Variants in COX10 observed in about 807,000 individuals in gnomAD.
COX10 encodes the protein cytochrome c oxidase assembly factor heme A:farnesyltransferase COX10.
A neutral mutation model predicts 37.3 loss-of-function variants in COX10; 27 were observed. The ratio of observed to expected loss-of-function variants is 0.72; its 90% CI spans 0.53 to 1.00. COX10 has a LOEUF of 1.00. Among genes scored for constraint, COX10 ranks in the 50% least tolerant of loss-of-function variants. The pLI, the probability that COX10 is intolerant of heterozygous loss-of-function variation, is 0.00. For missense variants in COX10, 475 were observed against 563.2 expected, an observed-to-expected ratio of 0.84 and a Z score of 1.59; for synonymous variants, 222 against 229.1, an observed-to-expected ratio of 0.97 and a Z score of 0.28.
chr17:14,121,919 AG>A (rs1916239004), intron 4 of COX10, among the ~76,000 whole-genome samples: 1 of 152,098 alleles, frequency 6.6e-6, no homozygotes. Context: ...GAAGCTGGGA[AG>A]CATACACATG....
intron 3 of COX10, among the ~76,000 whole-genome samples, chr17:14,081,193 G>A (rs1227594447): frequency 2.0e-5 from 3 of 152,162 alleles, no homozygotes; most frequent in Non-Finnish European, 4.4e-5. Context: ...ACTGTCTGGC[G>A]TTTACAGAAA....
intron 4 of COX10, among the ~76,000 whole-genome samples, chr17:14,140,913 A>T (rs1455100486): frequency 6.6e-6 from 1 of 152,190 alleles, no homozygotes; most frequent in Non-Finnish European, 1.5e-5. Context: ...ATGATAAATG[A>T]TTAAGGAAAT....
At chr17:14,202,530 C>T (rs1203706158) in intron 6 of COX10, among the ~76,000 whole-genome samples, 8 of 152,032 alleles carry the variant, frequency 5.3e-5, no homozygotes, top group Non-Finnish European at 1.2e-4. Flanking sequence ...GATGATGATA[C>T]CTATAGGCGG....
chr17:14,206,703 G>A, intron 6 of COX10, 107 bp from the exon 7 acceptor site: 9 of 1,414,940 alleles, frequency 6.4e-6, no homozygotes, highest in Non-Finnish European at 8.9e-6. Context: ...CAGGGTGGCA[G>A]AGCTTCTGAG....
Position 14,104,953 on chromosome 17 carries a change from A to G in COX10, c.624+2711A>G, listed in dbSNP as rs568278272. Among the ~76,000 whole-genome samples, 1,130 of 152,302 alleles carry G rather than the reference A, an allele frequency of 7.4e-3. 5 individuals carry two copies. Among genetic ancestry groups the G allele is most frequent in the Non-Finnish European group, 0.013 (865 of 68,002 alleles). ...TTTAAAGCACATATGCCTTCAAAGG[A>G]TGGAAAAATCCATAAAATGTTTTGA... On this transcript the variant is annotated intron_variant, in intron 4 of 6. Transcript: ENST00000261643.
intron 5 of COX10, chr17:14,179,064 A>C (rs1016953969): frequency 6.2e-6 from 1 of 160,542 alleles, no homozygotes; most frequent in Admixed American, 6.5e-5. Context: ...CAACAAACAC[A>C]TTATGTCAAA....
chr17:14,102,323 C>T, intron 4 of COX10, 81 bp downstream of exon 4: 1 of 1,529,512 alleles, frequency 6.5e-7, no homozygotes, highest in South Asian at 1.1e-5. Flanking sequence ...TAAATACCTT[C>T]CAAACTCATA....
chr17:14,121,950 G>A lies in COX10; in HGVS notation c.624+19708G>A, dbSNP rs1916239610. 2.0e-5 allele frequency among the ~76,000 whole-genome samples: 3 copies of A among 152,120 alleles called. No individual in the cohort carries two copies. The South Asian group carries it at 6.2e-4, about 32-fold the overall frequency. ...CACATGTGCATGTGTGTGGTGTGGA[G>A]AGGCCTAGAATGTCAGATGGCAAAA... On this transcript the variant is annotated intron_variant, in intron 4 of 6. Transcript: ENST00000261643.
chr17:14,196,634 T>C (rs541466962), intron 6 of COX10, among the ~76,000 whole-genome samples: 2 of 152,286 alleles, frequency 1.3e-5, no homozygotes, highest in African/African-American at 4.8e-5. Flanking sequence ...TTTACCAGTG[T>C]GCTGCAGGTT....
chr17:14,116,175 T>C (rs1308434554), intron 4 of COX10, among the ~76,000 whole-genome samples: 1 of 152,172 alleles, frequency 6.6e-6, no homozygotes, highest in Non-Finnish European at 1.5e-5. Context: ...TTTTAAAAGT[T>C]ACCCTTCATT....
In COX10 at chr17:14,192,213, T is replaced by C. The variant is rs1451981843; in HGVS notation, c.920T>C (p.Leu307Pro). 2.5e-6 allele frequency: 4 copies of C among 1,614,110 alleles called. No homozygotes were observed. In the African/African-American group the frequency reaches 5.3e-5, roughly 22 times the overall value. Reference protein sequence around the residue: ...VMGWTAATGSLDAGAFLLGGI... With the variant: ...VMGWTAATGSPDAGAFLLGGI... The stretch of plus-strand genomic sequence containing the variant: ...GGCTGGACAGCGGCCACGGGCAGCC[T>C]CGATGCTGGTAAGTGTCCCGCGATG... Residue 307 changes from leucine (L) to proline (P), a missense_variant, in exon 6 of 7, where the codon CTC (leucine) becomes CCC (proline). Around this residue, in one of 5 missense-constraint regions of COX10, gnomAD observed 17 missense variants for 36.3 expected, o/e 0.47. Transcript: ENST00000261643.
chr17:14,180,277 A>T (rs7225718), intron 5 of COX10, among the ~76,000 whole-genome samples: 6,149 of 152,132 alleles, frequency 0.04, 192 homozygotes, highest in African/African-American at 0.086. Flanking sequence ...TAAGTATAGA[A>T]ATTTCTTTTT....
Position 14,094,307 on chromosome 17 carries a change from A to G in COX10, c.500-7811A>G, listed in dbSNP as rs189397545. Among the ~76,000 whole-genome samples, 7 of 150,688 alleles carry G rather than the reference A, an allele frequency of 4.6e-5. No individual in the cohort carries two copies. In the East Asian group the frequency reaches 1.4e-3, roughly 29 times the overall value. ...TTATAATATTTATGCTATTATATAT[A>G]AATATATATAAATGGATAGTTACAT... On this transcript the variant is annotated intron_variant, in intron 3 of 6. Coordinates refer to ENST00000261643, the MANE Select transcript of COX10 (RefSeq NM_001303.4).
chr17:14,186,728 C>T (rs1906039946), intron 5 of COX10, among the ~76,000 whole-genome samples: 1 of 151,980 alleles, frequency 6.6e-6, no homozygotes, highest in South Asian at 2.1e-4. Flanking sequence ...ACAGGAAGCT[C>T]CTCCCAGGTG....
At chr17:14,179,210 C>A (rs1466972428) in intron 5 of COX10, 40 of 981,082 alleles carry the variant, frequency 4.1e-5, no homozygotes, top group Non-Finnish European at 4.6e-5. Flanking sequence ...TCAGAGAAGA[C>A]AGAGAGATGT....
Position 14,159,874 on chromosome 17 carries a change from C to T in COX10, c.625-3C>T. On this transcript the variant is annotated splice_region_variant and splice_polypyrimidine_tract_variant and intron_variant, in intron 4 of 6. Coordinates refer to ENST00000261643, the MANE Select transcript of COX10 (RefSeq NM_001303.4). ...TTTCTGTCTTTTTTCATTCTTTTTA[C>T]AGTTTTTTGAGGTGCCATTTGACTC... is the stretch of plus-strand genomic sequence containing the variant. 2 of 1,607,784 alleles carry T rather than the reference C, an allele frequency of 1.2e-6. No individual in the cohort carries two copies. Among genetic ancestry groups the T allele is most frequent in the South Asian group, 1.1e-5 (1 of 90,404 alleles).
At chr17:14,112,520 T>C (rs1309035492) in intron 4 of COX10, among the ~76,000 whole-genome samples, 1 of 152,220 alleles carries the variant, frequency 6.6e-6, no homozygotes, top group Non-Finnish European at 1.5e-5. Context: ...GTTCCTACTC[T>C]GAAGTGGCTT....
chr17:14,178,706 C>T (rs1335480003), intron 5 of COX10, among the ~76,000 whole-genome samples: 1 of 152,106 alleles, frequency 6.6e-6, no homozygotes, highest in African/African-American at 2.4e-5. Flanking sequence ...CTCTGCATGG[C>T]GGCCCTGCCA....
At chr17:14,093,736 C>G (rs547529667) in intron 3 of COX10, among the ~76,000 whole-genome samples, 413 of 152,276 alleles carry the variant, frequency 2.7e-3, no homozygotes, top group African/African-American at 9.4e-3. Flanking sequence ...GAGGAAGAAG[C>G]GTCATCATGG....
Sources: gnomAD v4.1 joint callset for allele counts (sites outside exome capture counted in the v4.1 genomes callset) on GRCh38, gnomAD v4.1.1 for gene constraint, gnomAD v4.1.1 regional missense constraint, MANE v1.5 for transcripts, NCBI Gene and HGNC (gene_info 2026-07-23, HGNC 2026-07-21) for gene names.